The following ANO10 variants were observed in gnomAD, a reference collection of about 807,000 sequenced individuals.
The protein encoded by ANO10 is anoctamin-10.
ANO10 carries 77 observed loss-of-function variants against 74.7 expected under a neutral mutation model. That is an observed-to-expected ratio of 1.03 (90% CI 0.86 to 1.25). The LOEUF is 1.25. ANO10 is among the 50% of genes most tolerant of loss of function. The pLI is 0.00. For missense variants in ANO10, 721 were observed against 778.1 expected (o/e 0.93, Z 0.87); for synonymous variants, 279 against 284.9 (o/e 0.98, Z 0.21).
intron 4 of ANO10, among the ~76,000 whole-genome samples, chr3:43,586,189 T>G (rs2081473822): frequency 6.6e-6 from 1 of 152,042 alleles, no homozygotes; most frequent in South Asian, 2.1e-4. Context: ...GCTCCCTGCC[T>G]GGCACCATAG....
chr3:43,640,947 C>T (rs559804207), intron 1 of ANO10, among the ~76,000 whole-genome samples: 8 of 152,168 alleles, frequency 5.3e-5, no homozygotes, highest in African/African-American at 1.9e-4. Context: ...AAACCAAAAT[C>T]TGAAGTGCAT....
At chr3:43,567,165 A>C (rs975113418) in intron 7 of ANO10, among the ~76,000 whole-genome samples, 6 of 152,360 alleles carry the variant, frequency 3.9e-5, no homozygotes, top group African/African-American at 1.2e-4. Context: ...CAAAGCCTCC[A>C]AGAAATATGG....
chr3:43,481,461 G>A (rs1245751768), intron 11 of ANO10, among the ~76,000 whole-genome samples: 1 of 152,014 alleles, frequency 6.6e-6, no homozygotes, highest in Non-Finnish European at 1.5e-5. Flanking sequence ...CTCAGCCAAG[G>A]GCATTCCAAA....
intron 11 of ANO10, among the ~76,000 whole-genome samples, chr3:43,443,744 A>C (rs889371414): frequency 6.4e-5 from 9 of 141,376 alleles, no homozygotes; most frequent in African/African-American, 2.4e-4. Flanking sequence ...GCAATGGCAC[A>C]GTCTCGGCTC....
chr3:43,412,599 A>G (rs1444058987), intron 12 of ANO10, among the ~76,000 whole-genome samples: 6 of 152,204 alleles, frequency 3.9e-5, no homozygotes, highest in Admixed American at 3.9e-4. Flanking sequence ...AATCTTTGAC[A>G]TAACTTCTCG....
Position 43,441,158 on chromosome 3 carries a change from T to G in ANO10, c.1798-8431A>C, listed in dbSNP as rs186700759. Among the ~76,000 whole-genome samples the G allele has an allele frequency of 2.9e-3, 440 of 151,504 alleles. 1 individual carries two copies. Among genetic ancestry groups the G allele is most frequent in the African/African-American group, 9.8e-3 (406 of 41,368 alleles). On this transcript the variant is annotated intron_variant, in intron 11 of 12. Transcript: ENST00000292246. The stretch of plus-strand genomic sequence containing the variant: ...AAACTACAAAAAGAACAAACTAAAG[T>G]TAGCAGAAGAAAGGAAATAATAAAG...
At chr3:43,671,700 G>A (rs1011041796) in intron 1 of ANO10, among the ~76,000 whole-genome samples, 5 of 151,736 alleles carry the variant, frequency 3.3e-5, no homozygotes, top group African/African-American at 1.2e-4. Flanking sequence ...ACAAATGATG[G>A]TTTAAATGTC....
At chr3:43,375,674 G>A (rs1220439593) in intron 12 of ANO10, among the ~76,000 whole-genome samples, 1 of 152,128 alleles carries the variant, frequency 6.6e-6, no homozygotes, top group Non-Finnish European at 1.5e-5. Flanking sequence ...AAAGAGGCAG[G>A]TGAATCCTTG....
chr3:43,628,554 G>A (rs1216797476), intron 1 of ANO10, among the ~76,000 whole-genome samples: 1 of 152,210 alleles, frequency 6.6e-6, no homozygotes, highest in East Asian at 1.9e-4. Context: ...GGAAACAAGA[G>A]AGATAACCTT....
intron 11 of ANO10, among the ~76,000 whole-genome samples, chr3:43,454,008 G>T (rs530830076): frequency 6.6e-6 from 1 of 152,308 alleles, no homozygotes; most frequent in South Asian, 2.1e-4. Context: ...AACATACATA[G>T]TTTATGAAAC....
Position 43,507,183 on chromosome 3 carries a change from C to G in ANO10, c.1797+42537G>C, listed in dbSNP as rs145526406. 1.1e-3 allele frequency among the ~76,000 whole-genome samples: 161 copies of G among 152,282 alleles called. 1 individual carries two copies. Among genetic ancestry groups the G allele is most frequent in the African/African-American group, 3.7e-3 (152 of 41,548 alleles). On this transcript the variant is annotated intron_variant, in intron 11 of 12. Coordinates refer to ENST00000292246, the MANE Select transcript of ANO10 (RefSeq NM_018075.5). ...CAAGAGTTGATAAGTACATTTCTCT[C>G]TGTATCCATACAGCAAGGAAAGTCA... is the stretch of plus-strand genomic sequence containing the variant.
chr3:43,401,022 G>A (rs1418492360), intron 12 of ANO10, among the ~76,000 whole-genome samples: 1 of 152,176 alleles, frequency 6.6e-6, no homozygotes, highest in Non-Finnish European at 1.5e-5. Context: ...TTTCCTGGGA[G>A]AAAAGTATAC....
At chr3:43,464,482 C>A (rs1188318581) in intron 11 of ANO10, among the ~76,000 whole-genome samples, 1 of 152,072 alleles carries the variant, frequency 6.6e-6, no homozygotes. Context: ...GAGTTTGAGA[C>A]CAACCTGGTC....
At chr3:43,678,067 C>A (rs1448187228) in intron 1 of ANO10, among the ~76,000 whole-genome samples, 2 of 152,168 alleles carry the variant, frequency 1.3e-5, no homozygotes, top group African/African-American at 4.8e-5. Context: ...TGTTAAATTC[C>A]AAGTGCATTT....
intron 10 of ANO10, among the ~76,000 whole-genome samples, chr3:43,552,652 A>G (rs1467180613): frequency 1.3e-5 from 2 of 149,284 alleles, no homozygotes; most frequent in African/African-American, 4.9e-5. Context: ...CCTGCATCTG[A>G]AAGTGTCTTG....
chr3:43,385,588 G>A (rs931692902), intron 12 of ANO10, among the ~76,000 whole-genome samples: 22 of 152,126 alleles, frequency 1.4e-4, no homozygotes, highest in Admixed American at 5.9e-4. Context: ...AAAAAGAAAC[G>A]AAATAATGGC....
At chr3:43,423,479 T>C (rs1559530089) in intron 12 of ANO10, among the ~76,000 whole-genome samples, 1 of 152,140 alleles carries the variant, frequency 6.6e-6, no homozygotes, top group Non-Finnish European at 1.5e-5. Flanking sequence ...CAAGGGAGAC[T>C]GAAACAGAAC....
chr3:43,389,979 C>T (rs1449310003), intron 12 of ANO10, among the ~76,000 whole-genome samples: 5 of 152,228 alleles, frequency 3.3e-5, no homozygotes, highest in Admixed American at 1.3e-4. Context: ...GAGAGGACAA[C>T]TCTTTCCAAA....
chr3:43,396,074 TTA>T (rs1559505956), intron 12 of ANO10, among the ~76,000 whole-genome samples: 19 of 150,606 alleles, frequency 1.3e-4, no homozygotes, highest in Non-Finnish European at 7.4e-5. Flanking sequence ...ATTTATTTAT[TTA>T]TTTTTTTTTT....
Sources: allele counts gnomAD v4.1 joint callset (sites outside exome capture counted in the v4.1 genomes callset), GRCh38; gene constraint gnomAD v4.1.1; transcripts MANE v1.5; gene names NCBI Gene and HGNC (gene_info 2026-07-23, HGNC 2026-07-21).